EVA1A: variants seen among roughly 807,000 people sequenced by gnomAD.
EVA1A encodes the protein eva-1 homolog A, regulator of programmed cell death.
EVA1A carries 7 observed loss-of-function variants against 9.8 expected under a neutral mutation model. The observed-to-expected ratio is 0.71, with a 90% confidence interval of 0.41 to 1.34. The LOEUF is 1.34. Ranked by LOEUF, EVA1A falls within the 40% of genes most tolerant of loss-of-function variation. EVA1A has a pLI of 0.01. For missense variants in EVA1A, 206 were observed against 205.9 expected (o/e 1.00, Z 0.00); for synonymous variants, 90 against 85.6 (o/e 1.05, Z -0.28).
At chr2:75,513,564 T>C (rs1483756114) in intron 3 of EVA1A, among the ~76,000 whole-genome samples, 2 of 152,222 alleles carry the variant, frequency 1.3e-5, no homozygotes, top group Non-Finnish European at 2.9e-5. Context: ...GAAATCAGTA[T>C]CTTTAGAGAT....
intron 3 of EVA1A, among the ~76,000 whole-genome samples, chr2:75,496,465 A>T (rs1324610866): frequency 6.6e-6 from 1 of 152,222 alleles, no homozygotes; most frequent in Non-Finnish European, 1.5e-5. Flanking sequence ...CCTAAAAAAT[A>T]GCTACCCAAG....
At position 75,551,115 on chromosome 2, in the gene EVA1A, C is replaced by G. The variant is rs968818974; in HGVS notation, c.-192+9565G>C. 3.3e-5 allele frequency among the ~76,000 whole-genome samples: 5 copies of G among 152,186 alleles called. No homozygotes were observed. The East Asian group carries it at 7.7e-4, about 24-fold the overall frequency. On this transcript the variant is annotated intron_variant, in intron 1 of 3. Transcript: ENST00000393913. ...CCAGCCTGGGCGACAGAGCAAGACT[C>G]TGCTCAAAAACAAAACAAAACAAAA...
chr2:75,550,617 C>T (rs80179731), intron 1 of EVA1A, among the ~76,000 whole-genome samples: 3,773 of 152,312 alleles, frequency 0.025, 138 homozygotes, highest in African/African-American at 0.08. Context: ...TGATAAGTCA[C>T]CACTGGGCAT....
intron 1 of EVA1A, among the ~76,000 whole-genome samples, chr2:75,536,190 T>C (rs949229749): frequency 6.6e-6 from 1 of 151,942 alleles, no homozygotes; most frequent in African/African-American, 2.4e-5. Context: ...ATACAAAAAT[T>C]AGCCAGGCAT....
chr2:75,537,688 G>A (rs1675964830), intron 1 of EVA1A, among the ~76,000 whole-genome samples: 1 of 152,192 alleles, frequency 6.6e-6, no homozygotes, highest in Non-Finnish European at 1.5e-5. Flanking sequence ...CATGGAGATG[G>A]ATCCCTCATG....
At chr2:75,527,449 G>A (rs1303553925) in intron 1 of EVA1A, among the ~76,000 whole-genome samples, 2 of 152,168 alleles carry the variant, frequency 1.3e-5, no homozygotes, top group East Asian at 3.9e-4. Flanking sequence ...GGGTGTCAGA[G>A]GCAGCCTAGT....
chr2:75,494,844 C>G (rs1362337864), intron 3 of EVA1A, among the ~76,000 whole-genome samples: 1 of 152,182 alleles, frequency 6.6e-6, no homozygotes, highest in African/African-American at 2.4e-5. Context: ...TAGGAGTGGC[C>G]TCAGCAGGTT....
chr2:75,508,329 G>T (rs1174137732), intron 3 of EVA1A, among the ~76,000 whole-genome samples: 1 of 152,200 alleles, frequency 6.6e-6, no homozygotes, highest in Non-Finnish European at 1.5e-5. Flanking sequence ...GCAAATGGGA[G>T]AAATATCGCT....
intron 1 of EVA1A, among the ~76,000 whole-genome samples, chr2:75,553,866 T>C (rs1372595020): frequency 6.6e-6 from 1 of 152,172 alleles, no homozygotes; most frequent in Non-Finnish European, 1.5e-5. Flanking sequence ...CTGACTCTCC[T>C]CCAGTGCTCA....
At chr2:75,547,250 T>C (rs1676363321) in intron 1 of EVA1A, among the ~76,000 whole-genome samples, 1 of 152,122 alleles carries the variant, frequency 6.6e-6, no homozygotes, top group Admixed American at 6.5e-5. Context: ...GCTGCACAGG[T>C]TCATGGATGG....
chr2:75,525,779 T>C (rs1675412476), intron 1 of EVA1A, among the ~76,000 whole-genome samples: 1 of 152,182 alleles, frequency 6.6e-6, no homozygotes, highest in Non-Finnish European at 1.5e-5. Context: ...GGTTAAGAAA[T>C]GATATGGTCC....
chr2:75,515,790 AG>A (rs933862148), intron 3 of EVA1A, among the ~76,000 whole-genome samples: 1 of 152,156 alleles, frequency 6.6e-6, no homozygotes, highest in African/African-American at 2.4e-5. Context: ...AAGTAAAAAA[AG>A]GGCGAATATA....
At chr2:75,568,291 TAATA>T (rs924365953) in intron 1 of EVA1A, among the ~76,000 whole-genome samples, 6 of 151,492 alleles carry the variant, frequency 4.0e-5, no homozygotes, top group African/African-American at 1.5e-4. Flanking sequence ...TGATAATGAA[TAATA>T]AATCATTGTT....
intron 1 of EVA1A, among the ~76,000 whole-genome samples, chr2:75,540,453 AGTTTCATT>A (rs1398433733): frequency 6.6e-6 from 1 of 152,168 alleles, no homozygotes; most frequent in African/African-American, 2.4e-5. Flanking sequence ...CCTGTCCTAA[AGTTTCATT>A]GTATAAAGCA....
At chr2:75,550,267 T>G (rs1465238068) in intron 1 of EVA1A, among the ~76,000 whole-genome samples, 4 of 152,192 alleles carry the variant, frequency 2.6e-5, no homozygotes, top group African/African-American at 9.7e-5. Context: ...ACCTTTCATT[T>G]CCTACAAGGT....
intron 3 of EVA1A, among the ~76,000 whole-genome samples, chr2:75,508,452 C>T (rs1674696429): frequency 1.3e-5 from 2 of 152,078 alleles, no homozygotes; most frequent in South Asian, 4.1e-4. Flanking sequence ...TATAGCACTC[C>T]CAGGCTTATT....
intron 3 of EVA1A, among the ~76,000 whole-genome samples, chr2:75,508,686 G>T (rs2103813252): frequency 6.6e-6 from 1 of 152,006 alleles, no homozygotes; most frequent in East Asian, 1.9e-4. Context: ...ACACCTATTT[G>T]CACACTCCCT....
At chr2:75,503,966 C>A (rs368034437) in intron 3 of EVA1A, among the ~76,000 whole-genome samples, 256 of 152,242 alleles carry the variant, frequency 1.7e-3, no homozygotes, top group African/African-American at 6.0e-3. Context: ...CAAAATTTCA[C>A]GTGTGCTCCA....
chr2:75,503,457 G>GAC, intron 3 of EVA1A, among the ~76,000 whole-genome samples: 1 of 152,192 alleles, frequency 6.6e-6, no homozygotes, highest in Non-Finnish European at 1.5e-5. Context: ...GCAGGAAGAG[G>GAC]CCCTATGTAG....
Sources: allele counts gnomAD v4.1 joint callset (sites outside exome capture counted in the v4.1 genomes callset), GRCh38; gene constraint gnomAD v4.1.1; transcripts MANE v1.5; gene names NCBI Gene and HGNC (gene_info 2026-07-23, HGNC 2026-07-21).